The following C5 variants were observed in gnomAD, a reference collection of about 807,000 sequenced individuals.
The protein encoded by C5 is complement C5.
C5 carries 140 observed loss-of-function variants against 218.8 expected under a neutral mutation model. That is an observed-to-expected ratio of 0.64 (90% CI 0.56 to 0.74). The LOEUF (loss-of-function observed/expected upper bound fraction) is 0.74, where lower values mean the gene tolerates loss of function less well. Ranked by LOEUF, C5 falls within the 30% of genes least tolerant of loss-of-function variation. The pLI, the probability that C5 is intolerant of heterozygous loss-of-function variation, is 0.00. For synonymous variants in C5, 614 were observed against 682.3 expected (o/e 0.90, Z 1.56); for missense variants, 1,700 against 1,969.6 (o/e 0.86, Z 2.59).
rs1431266789 is a variant in C5, at chr9:120,969,136, AAAAC to A, written c.4163-22_4163-19del. On this transcript the variant is annotated intron_variant, in intron 32 of 40. Transcript: ENST00000223642. ...GTGGGATGCTGGCACATAAGACAAG[AAAAC>A]AAACAGACAAATATAAGAGTAAACT... 6 of 1,609,042 alleles carry A rather than the reference AAAAC, an allele frequency of 3.7e-6. No individual in the cohort carries two copies. The highest frequency in any genetic ancestry group is 1.1e-5 in the South Asian group (1 of 90,962).
chr9:120,970,150 G>A lies in C5; in HGVS notation c.4162+20C>T, dbSNP rs56094365. The A allele has an allele frequency of 2.6e-5, 41 of 1,548,922 alleles. No individual in the cohort carries two copies. The highest frequency in any genetic ancestry group is 6.7e-5 in the East Asian group (3 of 44,530). On this transcript the variant is annotated intron_variant, in intron 32 of 40. Transcript: ENST00000223642. ...CTTTATTTTTAGCCAAAATTACAGC[G>A]TAAATCCTGCTGTTTTTACCTTCAA...
At chr9:121,028,698 G>A (rs2047447145) in intron 7 of C5, among the ~76,000 whole-genome samples, 1 of 152,086 alleles carries the variant, frequency 6.6e-6, no homozygotes, top group African/African-American at 2.4e-5. Context: ...CTGTCATGGG[G>A]TGGGGGACGG....
rs375681125 is a variant in C5, at chr9:121,050,230, A to C, written c.17T>G (p.Ile6Arg). The change falls in exon 1 of 41, where the codon ATA becomes AGA. Residue 6 changes from isoleucine to arginine, a missense_variant. Physicochemically the swap from Ile to Arg is moderately conservative, Grantham distance 97 (BLOSUM62 -3). Coordinates refer to ENST00000223642, the MANE Select transcript of C5 (RefSeq NM_001735.3). MGLLG[I>R]LCFLIFLGKT... is the part of the protein sequence containing the mutation. ...CCCCAGGAAGATTAAAAAACAAAGT[A>C]TTCCCAAAAGGCCCATGGTTGGAGG... The C allele has an allele frequency of 2.5e-5, 40 of 1,613,826 alleles. No homozygotes were observed. The African/African-American group carries it at 5.1e-4, about 20-fold the overall frequency.
At chr9:121,002,230 GTATATA>G (rs1268906863) in intron 20 of C5, among the ~76,000 whole-genome samples, 2 of 47,240 alleles carry the variant, frequency 4.2e-5, no homozygotes, top group East Asian at 1.3e-3. Context: ...ATATATATAT[GTATATA>G]TGTATATGTA....
chr9:121,021,523 C>A lies in C5; in HGVS notation c.1288G>T (p.Val430Leu), dbSNP rs757630687. ...ATTCAGCTCACATTAAACTCCAGCA[C>A]CGTCACTCCAGATGGGAGATTAAGC... ...FVLNLPSGVT[V>L]LEFNVKTDAP... The change falls in exon 11 of 41, where the codon GTG becomes TTG. Residue 430 changes from valine to leucine, a missense_variant. Coordinates refer to ENST00000223642, the MANE Select transcript of C5 (RefSeq NM_001735.3). The A allele has an allele frequency of 1.3e-5, 21 of 1,613,034 alleles. No homozygotes were observed. Among genetic ancestry groups the A allele is most frequent in the Non-Finnish European group, 1.7e-5 (20 of 1,179,192 alleles).
intron 3 of C5, among the ~76,000 whole-genome samples, chr9:121,041,205 A>G (rs1454514952): frequency 1.3e-5 from 2 of 150,794 alleles, no homozygotes; most frequent in Admixed American, 6.6e-5. Flanking sequence ...GGGCTTCCCA[A>G]AGTACTGGGA....
At chr9:120,996,131 T>G in intron 22 of C5, 109 bp downstream of exon 22, 1 of 902,980 alleles carries the variant, frequency 1.1e-6, no homozygotes, top group Non-Finnish European at 1.9e-6. Flanking sequence ...AAGTGGATAC[T>G]ACTGATTTTA....
chr9:120,992,234 C>T (rs1257279629), intron 22 of C5, among the ~76,000 whole-genome samples: 1 of 152,194 alleles, frequency 6.6e-6, no homozygotes, highest in Non-Finnish European at 1.5e-5. Flanking sequence ...CAGGAACATT[C>T]CTCATAAAAC....
At chr9:120,956,007 G>A (rs892690677) in intron 39 of C5, among the ~76,000 whole-genome samples, 4 of 151,830 alleles carry the variant, frequency 2.6e-5, no homozygotes, top group East Asian at 1.9e-4. Flanking sequence ...TATATCAATC[G>A]AAATGAGGCC....
chr9:121,070,419 A>G, the C5 span, among the ~76,000 whole-genome samples: 7 of 134,914 alleles, frequency 5.2e-5, no homozygotes, highest in East Asian at 2.1e-4. Flanking sequence ...ATATATATAT[A>G]TATATATGTA....
In C5 at chr9:121,016,351, G is replaced by T. The variant is rs1183184954; in HGVS notation, c.1899C>A (p.Gly633=). ...TGTTGAGGCCACCACCTGCCCCACA[G>T]CCCAGATCACTCTTCTCTAAGAATT... ...VFQFLEKSDL[G]CGAGGGLNNA... is the part of the protein sequence containing the mutation. The change falls in exon 15 of 41, where the codon GGC becomes GGA. Residue 633 remains glycine, a synonymous_variant. Transcript: ENST00000223642. 3 of 1,614,058 alleles carry T rather than the reference G, an allele frequency of 1.9e-6. No individual in the cohort carries two copies. The highest frequency in any genetic ancestry group is 3.3e-5 in the Admixed American group (2 of 60,012).
intron 38 of C5, among the ~76,000 whole-genome samples, chr9:120,959,232 ATTTCTTTCTTTCTTTCTTTC>A (rs36185563): frequency 1.4e-5 from 2 of 144,830 alleles, no homozygotes; most frequent in African/African-American, 5.1e-5. Context: ...CACCCTTCAA[ATTTCTTTCTTTCTTTCTTTC>A]TTTCTTTCTT....
intron 1 of C5, among the ~76,000 whole-genome samples, chr9:121,046,718 A>G (rs2047630864): frequency 1.3e-5 from 2 of 152,172 alleles, no homozygotes; most frequent in Non-Finnish European, 2.9e-5. Flanking sequence ...TTGCTCAATG[A>G]AGAAAAAAGC....
chr9:121,055,926 G>A, the C5 span, among the ~76,000 whole-genome samples: 1 of 152,204 alleles, frequency 6.6e-6, no homozygotes, highest in Non-Finnish European at 1.5e-5. Context: ...AGAGGGAAGA[G>A]AGAAAGAGAC....
At chr9:121,042,843 T>C (rs2047592669) in intron 3 of C5, among the ~76,000 whole-genome samples, 161 bp downstream of exon 3, 1 of 152,230 alleles carries the variant, frequency 6.6e-6, no homozygotes, top group African/African-American at 2.4e-5. Context: ...TAAAATGCTA[T>C]TAAATATTTG....
At chr9:121,036,768 C>A (rs1284924501) in intron 4 of C5, among the ~76,000 whole-genome samples, 1 of 152,148 alleles carries the variant, frequency 6.6e-6, no homozygotes, top group Non-Finnish European at 1.5e-5. Flanking sequence ...CCTCTGAGCT[C>A]ATGGTATTTG....
intron 8 of C5, among the ~76,000 whole-genome samples, chr9:121,026,939 C>A (rs187424974): frequency 6.6e-6 from 1 of 151,882 alleles, no homozygotes; most frequent in Non-Finnish European, 1.5e-5. Context: ...GTGATTAATA[C>A]AAAGGGGAGG....
intron 22 of C5, among the ~76,000 whole-genome samples, chr9:120,991,682 A>G (rs1437768976): frequency 6.6e-6 from 1 of 152,226 alleles, no homozygotes; most frequent in African/African-American, 2.4e-5. Context: ...TATGATCTGA[A>G]ATTCTTTCCA....
At chr9:121,038,294 T>C (rs1015581791) in intron 3 of C5, among the ~76,000 whole-genome samples, 1 of 152,206 alleles carries the variant, frequency 6.6e-6, no homozygotes, top group Non-Finnish European at 1.5e-5. Context: ...AAGAATTTCA[T>C]AGTAGCAAAA....
Sources: gnomAD v4.1 joint callset for allele counts (sites outside exome capture counted in the v4.1 genomes callset) on GRCh38, gnomAD v4.1.1 for gene constraint, MANE v1.5 for transcripts, NCBI Gene and HGNC (gene_info 2026-07-23, HGNC 2026-07-21) for gene names.